ZNF773: variants seen among roughly 807,000 people sequenced by gnomAD.
ZNF773 encodes the protein zinc finger protein 419B.
A neutral mutation model predicts 12.8 loss-of-function variants in ZNF773; 11 were observed. That is an observed-to-expected ratio of 0.86 (90% CI 0.54 to 1.42). The LOEUF is 1.42. ZNF773 is among the 40% of genes most tolerant of loss of function. The pLI is 0.00. For missense variants in ZNF773, 518 were observed against 527.2 expected (o/e 0.98, Z 0.17); for synonymous variants, 175 against 178.4 (o/e 0.98, Z 0.15).
intron 1 of ZNF773, among the ~76,000 whole-genome samples, chr19:57,500,590 A>G (rs1436816224): frequency 1.3e-5 from 2 of 152,140 alleles, no homozygotes; most frequent in African/African-American, 4.8e-5. Context: ...AGGGGAAGTG[A>G]TCAGATCTTG....
intron 1 of ZNF773, among the ~76,000 whole-genome samples, chr19:57,502,019 C>T (rs1217067333): frequency 9.2e-5 from 14 of 152,156 alleles, no homozygotes; most frequent in South Asian, 2.1e-4. Flanking sequence ...CTCGGCTCAC[C>T]GCAACCTCCA....
chr19:57,508,403 T>C, downstream of ZNF773: 1 of 631,532 alleles, frequency 1.6e-6, no homozygotes, highest in South Asian at 2.0e-5. Context: ...TCGATTCAGA[T>C]GTTACTCACT....
Position 57,506,670 on chromosome 19 carries a change from A to G in ZNF773, c.575A>G (p.Lys192Arg), listed in dbSNP as rs1249925712. Reference sequence around the variant, plus strand: ...TTTCATGCTGGAAAAAGGCATTACAAATGCAGTGAATGTGGGAAAGCCTTT... The same window carrying G: ...TTTCATGCTGGAAAAAGGCATTACAGATGCAGTGAATGTGGGAAAGCCTTT... ...EAFHAGKRHY[K>R]CSECGKAFGQ... The change falls in exon 4 of 4, where the codon AAA (lysine) becomes AGA (arginine). Residue 192 changes from lysine to arginine, a missense_variant. Lys to Arg is a conservative substitution (Grantham distance 26). Transcript: ENST00000282292. 6.8e-6 allele frequency: 11 copies of G among 1,614,098 alleles called. No individual in the cohort carries two copies. The highest frequency in any genetic ancestry group is 1.3e-5 in the African/African-American group (1 of 74,932).
downstream of ZNF773, chr19:57,515,654 C>A (rs117928371): frequency 0.021 from 3,125 of 152,332 alleles, 35 homozygotes; most frequent in Non-Finnish European, 0.033. Context: ...GGTCCCTACA[C>A]AATGAAAAAC....
chr19:57,504,619 A>T, intron 1 of ZNF773, 38 bp from the exon 2 acceptor site: 2 of 1,610,716 alleles, frequency 1.2e-6, no homozygotes, highest in Non-Finnish European at 1.7e-6. Flanking sequence ...ATTCCCCAGT[A>T]AGGAGACCGC....
At position 57,507,201 on chromosome 19, in the gene ZNF773, G is replaced by A; in HGVS notation, c.1106G>A (p.Ser369Asn). 1 of 1,614,178 alleles carries A rather than the reference G, an allele frequency of 6.2e-7. No homozygotes were observed. The highest frequency in any genetic ancestry group is 8.5e-7 in the Non-Finnish European group (1 of 1,180,018). Residue 369 changes from serine (S) to asparagine (N), a missense_variant, in exon 4 of 4, where the codon AGC becomes AAC. By Grantham distance (46) the Ser-to-Asn change is conservative (BLOSUM62 1). Transcript: ENST00000282292. The stretch of plus-strand genomic sequence containing the variant: ...TGCAGTGAATGTGGGAAATTTTTTA[G>A]CCAAAGCTCAAGCCTCATGCAACAT... ...YECSECGKFF[S>N]QSSSLMQHRK...
downstream of ZNF773, among the ~76,000 whole-genome samples, chr19:57,508,980 A>G (rs2089775735): frequency 1.3e-5 from 2 of 152,190 alleles, no homozygotes; most frequent in African/African-American, 4.8e-5. Context: ...TTTCTAAAAA[A>G]TTAGAGTTGA....
downstream of ZNF773, among the ~76,000 whole-genome samples, chr19:57,509,121 A>G (rs1454512351): frequency 6.6e-6 from 1 of 152,156 alleles, no homozygotes; most frequent in Non-Finnish European, 1.5e-5. Context: ...TCTTAACAGT[A>G]TCTTTCCTAG....
At chr19:57,505,537 T>A in intron 3 of ZNF773, 137 bp downstream of exon 3, 1 of 1,021,164 alleles carries the variant, frequency 9.8e-7, no homozygotes, top group Non-Finnish European at 1.5e-6. Flanking sequence ...TCTTCCTCAG[T>A]CACCCATTTA....
downstream of ZNF773, chr19:57,514,150 A>G (rs1458759974): frequency 1.3e-5 from 2 of 152,254 alleles, no homozygotes; most frequent in Non-Finnish European, 2.9e-5. Context: ...CAAATCTTAC[A>G]TCAGTTATTC....
rs1172653766 is a variant in ZNF773 at position 57,507,454 on chromosome 19, A to T, written c.*30A>T. On this transcript the variant is annotated 3_prime_UTR_variant, in exon 4 of 4. Transcript: ENST00000282292. Reference sequence around the variant, plus strand: ...GAGAAATCCTTTAGCTGGTGTTTCAACCTCATTCAACACCAGAAAGTTCAC... The same window carrying T: ...GAGAAATCCTTTAGCTGGTGTTTCATCCTCATTCAACACCAGAAAGTTCAC... 1 of 1,551,570 alleles carries T rather than the reference A, an allele frequency of 6.4e-7. No individual in the cohort carries two copies.
At chr19:57,511,051 A>ATTTTT (rs367977180), downstream of ZNF773, among the ~76,000 whole-genome samples, 1 of 136,800 alleles carries the variant, frequency 7.3e-6, no homozygotes, top group African/African-American at 2.7e-5. Context: ...ATTTTATTTT[A>ATTTTT]TTTATTTTTT....
chr19:57,512,983 T>C (rs775280443), downstream of ZNF773: 1 of 1,516,376 alleles, frequency 6.6e-7, no homozygotes, highest in South Asian at 1.3e-5. Flanking sequence ...AAAACAGATC[T>C]TTTTGTCTTC....
At chr19:57,516,146 T>C (rs2089830722), downstream of ZNF773, 2 of 155,346 alleles carry the variant, frequency 1.3e-5, no homozygotes, top group Non-Finnish European at 2.9e-5. Flanking sequence ...TGGGCCCAGC[T>C]CCTCCAGTAC....
At chr19:57,511,868 A>AT (rs200495955), downstream of ZNF773, among the ~76,000 whole-genome samples, 1,116 of 144,350 alleles carry the variant, frequency 7.7e-3, 58 homozygotes, top group Admixed American at 0.067. Flanking sequence ...AACAGCATAG[A>AT]TAAAAAAAAG....
At chr19:57,504,620 A>G (rs1332690535) in intron 1 of ZNF773, 37 bp from the exon 2 acceptor site, 1 of 1,610,696 alleles carries the variant, frequency 6.2e-7, no homozygotes, top group Non-Finnish European at 8.5e-7. Flanking sequence ...TTCCCCAGTA[A>G]GGAGACCGCA....
At chr19:57,506,256 C>G in intron 3 of ZNF773, 102 bp from the exon 4 acceptor site, 2 of 1,513,956 alleles carry the variant, frequency 1.3e-6, no homozygotes. Context: ...ATTCTGCAAG[C>G]AGTCCCACAC....
chr19:57,514,586 C>T (rs2089820445), downstream of ZNF773: 1 of 152,230 alleles, frequency 6.6e-6, no homozygotes, highest in Admixed American at 6.5e-5. Context: ...TAGGCCAATT[C>T]ATACACAAAT....
At chr19:57,500,994 A>G (rs1472853952) in intron 1 of ZNF773, among the ~76,000 whole-genome samples, 1 of 152,114 alleles carries the variant, frequency 6.6e-6, no homozygotes, top group African/African-American at 2.4e-5. Flanking sequence ...AGGGTTATAG[A>G]GTATGAACAC....
Sources: allele counts gnomAD v4.1 joint callset (sites outside exome capture counted in the v4.1 genomes callset), GRCh38; gene constraint gnomAD v4.1.1; transcripts MANE v1.5; gene names NCBI Gene and HGNC (gene_info 2026-07-23, HGNC 2026-07-21).